RPS6KC1: variants seen among roughly 807,000 people sequenced by gnomAD.
RPS6KC1 encodes inactive ribosomal protein S6 kinase delta-1.
Under a neutral mutation model 103.8 loss-of-function variants are expected in RPS6KC1, and 54 were observed. The ratio of observed to expected loss-of-function variants is 0.52; its 90% CI spans 0.42 to 0.65. RPS6KC1 has a LOEUF of 0.65. Ranked by LOEUF, RPS6KC1 falls within the 30% of genes least tolerant of loss-of-function variation. The probability of loss-of-function intolerance (pLI) is 0.00; values close to 1 mark genes in which losing one functional copy is unlikely to be tolerated. For missense variants in RPS6KC1, 1,151 were observed against 1,253.8 expected (o/e 0.92, Z 1.24); for synonymous variants, 439 against 438.7 (o/e 1.00, Z -0.01).
At chr1:213,140,416 G>A (rs2086873366) in intron 6 of RPS6KC1, among the ~76,000 whole-genome samples, 1 of 152,066 alleles carries the variant, frequency 6.6e-6, no homozygotes, top group East Asian at 1.9e-4. Flanking sequence ...TCTTGTTCTG[G>A]TTCTCAAGGG....
At chr1:213,606,611 T>C in the RPS6KC1 span, among the ~76,000 whole-genome samples, 99 of 152,368 alleles carry the variant, frequency 6.5e-4, 2 homozygotes, top group South Asian at 0.019. Context: ...TCATTATCTC[T>C]TATTGTGCCA....
chr1:213,406,621 T>C, the RPS6KC1 span, among the ~76,000 whole-genome samples: 1 of 152,158 alleles, frequency 6.6e-6, no homozygotes, highest in Non-Finnish European at 1.5e-5. Context: ...ATCTGCTTAA[T>C]CACAACTCTT....
chr1:213,666,530 A>G, the RPS6KC1 span, among the ~76,000 whole-genome samples: 2 of 152,230 alleles, frequency 1.3e-5, no homozygotes, highest in South Asian at 2.1e-4. Context: ...AAGACATTTG[A>G]TACATACTAA....
chr1:213,227,996 G>A (rs1237471392), intron 8 of RPS6KC1, among the ~76,000 whole-genome samples: 2 of 152,122 alleles, frequency 1.3e-5, no homozygotes, highest in African/African-American at 4.8e-5. Flanking sequence ...GATTCTTGGG[G>A]TATGAACATC....
At chr1:213,613,456 TAAAG>T in the RPS6KC1 span, among the ~76,000 whole-genome samples, 2 of 152,230 alleles carry the variant, frequency 1.3e-5, no homozygotes, top group African/African-American at 4.8e-5. Context: ...GGCAAAATAT[TAAAG>T]AAATCTTTTT....
chr1:213,116,211 G>A (rs903585987), intron 4 of RPS6KC1, among the ~76,000 whole-genome samples: 2 of 151,922 alleles, frequency 1.3e-5, no homozygotes, highest in African/African-American at 4.8e-5. Context: ...GGTCACTCAG[G>A]ACTTACTTTA....
At chr1:213,689,649 G>T in the RPS6KC1 span, among the ~76,000 whole-genome samples, 2 of 152,150 alleles carry the variant, frequency 1.3e-5, no homozygotes, top group East Asian at 3.9e-4. Flanking sequence ...CAGAGCTTTG[G>T]TTTCCTCACT....
chr1:213,443,592 G>A, the RPS6KC1 span, among the ~76,000 whole-genome samples: 1 of 152,102 alleles, frequency 6.6e-6, no homozygotes, highest in Admixed American at 6.6e-5. Flanking sequence ...ACTGGCTGGG[G>A]GTAGCTGTCA....
chr1:213,327,482 G>T, the RPS6KC1 span, among the ~76,000 whole-genome samples: 1 of 152,170 alleles, frequency 6.6e-6, no homozygotes, highest in Non-Finnish European at 1.5e-5. Context: ...ATTCCACTCA[G>T]GTTTTTGGTC....
the RPS6KC1 span, among the ~76,000 whole-genome samples, chr1:213,597,596 G>A: frequency 6.6e-6 from 1 of 152,226 alleles, no homozygotes. Context: ...CCTTGGGAAA[G>A]GAAGGGGAAA....
chr1:213,285,978 A>G, the RPS6KC1 span, among the ~76,000 whole-genome samples: 341 of 152,340 alleles, frequency 2.2e-3, 2 homozygotes, highest in Non-Finnish European at 4.0e-3. Context: ...AAGCAAAAGA[A>G]TTAAGTTGTT....
At chr1:213,457,529 T>C in the RPS6KC1 span, among the ~76,000 whole-genome samples, 1 of 152,216 alleles carries the variant, frequency 6.6e-6, no homozygotes, top group Non-Finnish European at 1.5e-5. Flanking sequence ...TCACTGGTTA[T>C]GCATGGTTGA....
At chr1:213,190,443 T>C (rs1156909502) in intron 8 of RPS6KC1, among the ~76,000 whole-genome samples, 2 of 152,226 alleles carry the variant, frequency 1.3e-5, no homozygotes, top group African/African-American at 4.8e-5. Flanking sequence ...TTGCCATTTT[T>C]ATGTCTTCTT....
the RPS6KC1 span, among the ~76,000 whole-genome samples, chr1:213,467,101 G>T: frequency 6.6e-6 from 1 of 151,718 alleles, no homozygotes; most frequent in Non-Finnish European, 1.5e-5. Flanking sequence ...CAGCAGAATT[G>T]ACTGCCTCTG....
At chr1:213,785,657 T>C in the RPS6KC1 span, among the ~76,000 whole-genome samples, 6 of 152,154 alleles carry the variant, frequency 3.9e-5, no homozygotes, top group Admixed American at 3.9e-4. Context: ...TGGGGAGATA[T>C]ATATGTATGT....
chr1:213,607,688 T>TACAA, the RPS6KC1 span, among the ~76,000 whole-genome samples: 1 of 140,802 alleles, frequency 7.1e-6, no homozygotes, highest in Non-Finnish European at 1.5e-5. Flanking sequence ...CAGTTGCAAT[T>TACAA]ACACACACAC....
At chr1:213,722,420 A>G in the RPS6KC1 span, among the ~76,000 whole-genome samples, 14 of 152,134 alleles carry the variant, frequency 9.2e-5, no homozygotes, top group Non-Finnish European at 1.6e-4. Flanking sequence ...TACACGTCCC[A>G]ATATTACAAT....
In RPS6KC1 at chr1:213,051,264, C is replaced by T. The variant is rs897623495; in HGVS notation, c.-141C>T. The T allele has an allele frequency of 3.2e-6, 2 of 628,338 alleles. No individual in the cohort carries two copies. Among genetic ancestry groups the T allele is most frequent in the Non-Finnish European group, 5.6e-6 (2 of 355,842 alleles). 38.9% of individuals were successfully genotyped at this position (628,338 alleles called of 1,614,324 possible). ...CTGACCCGGAAGCAGAGCTGTGCAG[C>T]TGAGGCGCCGCCGTGGAGCCGCCTT... On this transcript the variant is annotated 5_prime_UTR_variant, in exon 1 of 15. Coordinates refer to ENST00000366960, the MANE Select transcript of RPS6KC1 (RefSeq NM_012424.6).
intron 12 of RPS6KC1, among the ~76,000 whole-genome samples, chr1:213,256,731 C>T (rs1277313475): frequency 6.6e-6 from 1 of 152,044 alleles, no homozygotes; most frequent in Non-Finnish European, 1.5e-5. Context: ...ACATTTGGAG[C>T]AGTACATTGG....
Sources: gnomAD v4.1 joint callset for allele counts (sites outside exome capture counted in the v4.1 genomes callset) on GRCh38, gnomAD v4.1.1 for gene constraint, MANE v1.5 for transcripts, NCBI Gene and HGNC (gene_info 2026-07-23, HGNC 2026-07-21) for gene names.